SYTL5: variants seen among roughly 807,000 people sequenced by gnomAD.
The protein encoded by SYTL5 is synaptotagmin-like protein 5.
SYTL5 carries 34 observed loss-of-function variants against 55.9 expected under a neutral mutation model. That is an observed-to-expected ratio of 0.61 (90% confidence interval 0.46 to 0.81). The LOEUF (loss-of-function observed/expected upper bound fraction) is 0.81. Among genes scored for constraint, SYTL5 ranks in the 30% least tolerant of loss-of-function variants. The pLI, the probability that SYTL5 is intolerant of heterozygous loss-of-function variation, is 0.00. For missense variants in SYTL5, 637 were observed against 546.7 expected, an observed-to-expected ratio of 1.17 and a Z score of -1.65; for synonymous variants, 221 against 188.7, an observed-to-expected ratio of 1.17 and a Z score of -1.40.
chrX:37,959,427 T>C, the SYTL5 span, among the ~76,000 whole-genome samples: 1 of 111,723 alleles, frequency 9.0e-6, no homozygotes, highest in Non-Finnish European at 1.9e-5. Flanking sequence ...TTGTGGATAA[T>C]TAACATGGTT....
chrX:38,018,395 A>C (rs1017693956), intron 1 of SYTL5, among the ~76,000 whole-genome samples: 1 of 111,703 alleles, frequency 9.0e-6, no homozygotes, highest in Non-Finnish European at 1.9e-5. Context: ...ATGATTCCCA[A>C]TTAAATACCT....
At chrX:38,066,829 G>A (rs559383352) in intron 3 of SYTL5, among the ~76,000 whole-genome samples, 1 of 112,091 alleles carries the variant, frequency 8.9e-6, no homozygotes, top group Non-Finnish European at 1.9e-5. Flanking sequence ...TACAAATCCT[G>A]TCTCTGACAT....
At chrX:38,091,510 T>C (rs980770473) in intron 7 of SYTL5, among the ~76,000 whole-genome samples, 4 of 95,299 alleles carry the variant, frequency 4.2e-5, no homozygotes, top group Non-Finnish European at 8.0e-5. Context: ...CAACAGACAC[T>C]GGCACAAGGC....
chrX:37,936,595 G>A, the SYTL5 span, among the ~76,000 whole-genome samples: 4 of 112,001 alleles, frequency 3.6e-5, no homozygotes, highest in Non-Finnish European at 7.5e-5. Context: ...AGGACTGTAG[G>A]TGATTCACTC....
chrX:38,061,403 C>T (rs1935940167), intron 3 of SYTL5, among the ~76,000 whole-genome samples: 1 of 111,276 alleles, frequency 9.0e-6, no homozygotes, highest in Non-Finnish European at 1.9e-5. Flanking sequence ...ATTTTATTGG[C>T]AGCAAACACT....
rs971795674 is a variant in SYTL5 at position 38,038,529 on chromosome X, T to C, written c.119+4521T>C. On this transcript the variant is annotated intron_variant, in intron 2 of 16. Transcript: ENST00000297875. ...TATTACAATAGTTTTCATCATGCTA[T>C]AGAGGTACAAATGGATATTTTGGGG... Among the ~76,000 whole-genome samples the C allele has an allele frequency of 1.2e-4, 13 of 112,252 alleles. No homozygotes were observed. The Admixed American group carries it at 1.2e-3, about 11-fold the overall frequency.
At chrX:38,016,243 G>T (rs746762571) in intron 1 of SYTL5, among the ~76,000 whole-genome samples, 1 of 111,835 alleles carries the variant, frequency 8.9e-6, no homozygotes, top group Non-Finnish European at 1.9e-5. Context: ...AATAGCTATG[G>T]TTTTGGCTCT....
At chrX:37,905,895 C>G in the SYTL5 span, among the ~76,000 whole-genome samples, 1 of 112,971 alleles carries the variant, frequency 8.9e-6, no homozygotes, top group Non-Finnish European at 1.9e-5. Flanking sequence ...CTGTGAGCCC[C>G]GTGGATGGGG....
chrX:38,124,627 G>C (rs747607497), intron 15 of SYTL5, among the ~76,000 whole-genome samples: 1 of 111,663 alleles, frequency 9.0e-6, no homozygotes, highest in Non-Finnish European at 1.9e-5. Flanking sequence ...TGAGGAAGTG[G>C]AGAAAATGAA....
chrX:37,976,670 A>G, the SYTL5 span, among the ~76,000 whole-genome samples: 2 of 111,006 alleles, frequency 1.8e-5, no homozygotes, highest in African/African-American at 6.6e-5. Context: ...AACACTAGAG[A>G]CAAATAAAGA....
chrX:38,093,847 G>C (rs1304930436), intron 7 of SYTL5, among the ~76,000 whole-genome samples: 1 of 109,609 alleles, frequency 9.1e-6, no homozygotes, highest in African/African-American at 3.3e-5. Flanking sequence ...CTGTTAAATG[G>C]GGGTGGAAGA....
At chrX:37,968,296 G>A in the SYTL5 span, among the ~76,000 whole-genome samples, 3 of 111,408 alleles carry the variant, frequency 2.7e-5, no homozygotes, top group Non-Finnish European at 5.7e-5. Flanking sequence ...AGGGGTTACA[G>A]CTACCTTACA....
chrX:38,065,465 T>G (rs981288817), intron 3 of SYTL5, among the ~76,000 whole-genome samples: 2 of 112,115 alleles, frequency 1.8e-5, no homozygotes, highest in Non-Finnish European at 3.8e-5. Flanking sequence ...GGATATGCAA[T>G]TCTAGATTGA....
the SYTL5 span, among the ~76,000 whole-genome samples, chrX:37,975,640 A>G: frequency 8.9e-6 from 1 of 111,779 alleles, no homozygotes; most frequent in South Asian, 3.8e-4. Flanking sequence ...GGTGGAGTAT[A>G]GAAGCTGTGG....
At chrX:38,004,277 T>C (rs773800383), upstream of SYTL5, among the ~76,000 whole-genome samples, 13 of 111,777 alleles carry the variant, frequency 1.2e-4, no homozygotes, top group African/African-American at 4.2e-4. Context: ...TCAAATGTGC[T>C]AGAGAGGTTT....
intron 1 of SYTL5, among the ~76,000 whole-genome samples, chrX:38,024,300 C>T (rs1006902791): frequency 3.6e-5 from 4 of 110,670 alleles, no homozygotes; most frequent in African/African-American, 1.3e-4. Flanking sequence ...AGGGCAGTTA[C>T]CCTGCACTCG....
chrX:38,094,906 G>A (rs1936890060), intron 8 of SYTL5, among the ~76,000 whole-genome samples: 1 of 111,369 alleles, frequency 9.0e-6, no homozygotes, highest in South Asian at 3.7e-4. Context: ...CATTTGCATG[G>A]TACACTCAAA....
the SYTL5 span, among the ~76,000 whole-genome samples, chrX:37,913,295 G>C: frequency 1.8e-5 from 2 of 112,501 alleles, no homozygotes; most frequent in Non-Finnish European, 3.8e-5. Context: ...GAAAGGTAGA[G>C]TTGGCTATTG....
chrX:37,966,490 T>C, the SYTL5 span, among the ~76,000 whole-genome samples: 1 of 96,941 alleles, frequency 1.0e-5, no homozygotes, highest in South Asian at 5.1e-4. Context: ...CAGGCTGGAG[T>C]GCAGTGGCAC....
Sources: gnomAD v4.1 joint callset for allele counts (sites outside exome capture counted in the v4.1 genomes callset) on GRCh38, gnomAD v4.1.1 for gene constraint, MANE v1.5 for transcripts, NCBI Gene and HGNC (gene_info 2026-07-23, HGNC 2026-07-21) for gene names.